Variants in RELN observed in about 807,000 individuals in gnomAD.
The protein encoded by RELN is reelin.
RELN carries 108 observed loss-of-function variants against 427.6 expected under a neutral mutation model. The ratio of observed to expected loss-of-function variants is 0.25; its 90% confidence interval spans 0.22 to 0.30. The LOEUF is 0.30. Ranked by LOEUF, RELN falls within the 10% of genes least tolerant of loss-of-function variation. The pLI, the probability that RELN is intolerant of heterozygous loss-of-function variation, is 1.00. For missense variants in RELN, 3,715 were observed against 4,302.8 expected (o/e 0.86, Z 3.82); for synonymous variants, 1,524 against 1,513.4 (o/e 1.01, Z -0.16).
In RELN at chr7:103,483,730, C is replaced by T. The variant is rs939866881; in HGVS notation, c.10104G>A (p.Gly3368=). Reference sequence around the variant, plus strand: ...GCTGGGCGATGACATGCCAGGTGATCCCGTTGTTGACGCTGTATTGCAGCA... The same window carrying T: ...GCTGGGCGATGACATGCCAGGTGATTCCGTTGTTGACGCTGTATTGCAGCA... The part of the protein sequence containing the change: ...AVLLQYSVNN[G]ITWHVIAQHQ... Residue 3368 remains glycine (G), a synonymous_variant, in exon 62 of 65, where the codon GGG becomes GGA. Coordinates refer to ENST00000428762, the MANE Select transcript of RELN (RefSeq NM_005045.4). 1 of 1,614,168 alleles carries T rather than the reference C, an allele frequency of 6.2e-7. No individual in the cohort carries two copies. The highest frequency in any genetic ancestry group is 1.3e-5 in the African/African-American group (1 of 75,054).
Position 103,901,097 on chromosome 7 carries a change from C to T in RELN, c.337+15978G>A, listed in dbSNP as rs192365489. ...GCCTAATTTAAAAATTGGAAAAAGA[C>T]TTGAATGGACATCTCTCCAAAGAAG... On this transcript the variant is annotated intron_variant, in intron 2 of 64. Transcript: ENST00000428762. Among the ~76,000 whole-genome samples the T allele has an allele frequency of 1.2e-4, 19 of 152,064 alleles. No individual in the cohort carries two copies. The East Asian group carries it at 1.5e-3, about 12-fold the overall frequency.
intron 4 of RELN, among the ~76,000 whole-genome samples, chr7:103,769,280 G>A (rs1474310844): frequency 6.6e-6 from 1 of 152,122 alleles, no homozygotes; most frequent in Admixed American, 6.5e-5. Context: ...CATAAGGGTT[G>A]CTCCCCCTGT....
chr7:103,831,678 AGGGAATT>A (rs1168208791), intron 3 of RELN, among the ~76,000 whole-genome samples: 2 of 152,142 alleles, frequency 1.3e-5, no homozygotes, highest in African/African-American at 4.8e-5. Flanking sequence ...AGAATCTGTA[AGGGAATT>A]GTGGGAAGGC....
At chr7:103,513,153 A>AT (rs1829470560) in intron 50 of RELN, 1 of 152,172 alleles carries the variant, frequency 6.6e-6, no homozygotes, top group African/African-American at 2.4e-5. Flanking sequence ...TACATACTTC[A>AT]TTTTATGCTA....
chr7:103,670,801 TAGCC>T (rs1423219388), intron 11 of RELN, among the ~76,000 whole-genome samples: 1 of 151,996 alleles, frequency 6.6e-6, no homozygotes, highest in African/African-American at 2.4e-5. Context: ...TATAATATCT[TAGCC>T]AGATCCTTTC....
At position 103,486,415 on chromosome 7, in the gene RELN, A is replaced by G. The variant is rs1002148602; in HGVS notation, c.9765T>C (p.Gly3255=). ...CGTGACTGAAAACAGAGCAGTCATCACCTAGAGGACAAGGAGCAGTCACAG... is the reference window on the plus strand; with the variant it reads ...CGTGACTGAAAACAGAGCAGTCATCGCCTAGAGGACAAGGAGCAGTCACAG... ...AICICDESFQ[G]DDCSVFSHDL... is the part of the protein sequence containing the mutation. Residue 3255 remains glycine, a splice_region_variant and synonymous_variant, in exon 61 of 65, where the codon GGT becomes GGC. Transcript: ENST00000428762. 1 of 1,612,228 alleles carries G rather than the reference A, an allele frequency of 6.2e-7. No individual in the cohort carries two copies. The highest frequency in any genetic ancestry group is 8.5e-7 in the Non-Finnish European group (1 of 1,178,284).
At chr7:103,951,957 GCCACTGTGCCCGGC>G (rs1460919164) in intron 1 of RELN, among the ~76,000 whole-genome samples, 2 of 152,256 alleles carry the variant, frequency 1.3e-5, no homozygotes, top group Non-Finnish European at 2.9e-5. Context: ...ACAGGTGTGA[GCCACTGTGCCCGGC>G]CCTCTGGGCC....
intron 1 of RELN, among the ~76,000 whole-genome samples, chr7:103,938,050 G>A (rs745661520): frequency 3.0e-4 from 45 of 152,158 alleles, no homozygotes; most frequent in Admixed American, 4.6e-4. Context: ...GCCGGGCGTG[G>A]TGGCTCATGC....
At chr7:103,646,173 T>C (rs143080330) in intron 16 of RELN, among the ~76,000 whole-genome samples, 1,665 of 151,326 alleles carry the variant, frequency 0.011, 11 homozygotes, top group Non-Finnish European at 0.016. Flanking sequence ...ACATAAAAAA[T>C]AGATCACAAA....
At chr7:103,666,320 T>C (rs566624718) in intron 11 of RELN, among the ~76,000 whole-genome samples, 10 of 152,086 alleles carry the variant, frequency 6.6e-5, no homozygotes, top group Admixed American at 3.3e-4. Flanking sequence ...AATCTACCGA[T>C]GTTGGCCTCT....
At chr7:103,538,080 C>T (rs115290073) in intron 45 of RELN, among the ~76,000 whole-genome samples, 4,065 of 152,292 alleles carry the variant, frequency 0.027, 154 homozygotes, top group African/African-American at 0.091. Context: ...TCTGTCTTCT[C>T]TTTTCCAAGT....
intron 4 of RELN, among the ~76,000 whole-genome samples, chr7:103,757,733 G>T (rs189013881): frequency 6.6e-6 from 1 of 152,264 alleles, no homozygotes; most frequent in African/African-American, 2.4e-5. Context: ...CACAGAGGGA[G>T]ATGCACTAGG....
At chr7:103,666,673 C>T (rs1423766653) in intron 11 of RELN, among the ~76,000 whole-genome samples, 3 of 152,222 alleles carry the variant, frequency 2.0e-5, no homozygotes, top group Admixed American at 6.5e-5. Flanking sequence ...TCTGCATTTG[C>T]GTTTGTGAGC....
Position 103,824,212 on chromosome 7 carries a change from T to G in RELN, c.473+9325A>C, listed in dbSNP as rs1022223488. 6.6e-6 allele frequency among the ~76,000 whole-genome samples: 1 copy of G among 152,132 alleles called. No homozygotes were observed. The highest frequency in any genetic ancestry group is 1.5e-5 in the Non-Finnish European group (1 of 68,016). On this transcript the variant is annotated intron_variant, in intron 3 of 64. Coordinates refer to ENST00000428762, the MANE Select transcript of RELN (RefSeq NM_005045.4). The surrounding 1 kb of genome is among the most constrained non-coding windows in gnomAD (Gnocchi z 4.4). ...CATTATCTCTTCAAATTTGTCTTAT[T>G]ATTTTTATTCTCTCCTTCTAAAACT...
intron 3 of RELN, among the ~76,000 whole-genome samples, chr7:103,785,195 T>C (rs1406357146): frequency 1.3e-5 from 2 of 152,106 alleles, no homozygotes; most frequent in South Asian, 2.1e-4. Context: ...AACATTAAAA[T>C]AAAAATGCTT....
chr7:103,920,644 G>C (rs1000562811), intron 1 of RELN, among the ~76,000 whole-genome samples: 2 of 144,492 alleles, frequency 1.4e-5, no homozygotes, highest in Non-Finnish European at 3.0e-5. Context: ...CACAATCTCA[G>C]CTCACTGCAG....
chr7:103,806,721 G>A (rs1792609829), intron 3 of RELN, among the ~76,000 whole-genome samples: 2 of 152,260 alleles, frequency 1.3e-5, no homozygotes, highest in South Asian at 2.1e-4. Flanking sequence ...AATCCGAAAA[G>A]TGAATTATTA....
intron 11 of RELN, among the ~76,000 whole-genome samples, chr7:103,675,263 A>G (rs1172939633): frequency 2.6e-5 from 4 of 152,210 alleles, no homozygotes; most frequent in African/African-American, 9.6e-5. Context: ...AGAGAGCCAA[A>G]TCATGAGTGA....
intron 22 of RELN, among the ~76,000 whole-genome samples, chr7:103,610,384 A>T (rs1759756059): frequency 6.6e-6 from 1 of 152,198 alleles, no homozygotes; most frequent in South Asian, 2.1e-4. Flanking sequence ...TTTGTATGTC[A>T]AACTGAAAGT....
Sources: allele counts gnomAD v4.1 joint callset (sites outside exome capture counted in the v4.1 genomes callset), GRCh38; gene constraint gnomAD v4.1.1; non-coding constraint Gnocchi (gnomAD v3.1); transcripts MANE v1.5; gene names NCBI Gene and HGNC (gene_info 2026-07-23, HGNC 2026-07-21).